NYAP2: variants seen among roughly 807,000 people sequenced by gnomAD.
NYAP2 encodes the protein neuronal tyrosine-phosphorylated phosphoinositide-3-kinase adaptor 2.
In NYAP2, 23 loss-of-function variants were observed where a neutral mutation model predicts 50.4. That is an observed-to-expected ratio of 0.46 (90% confidence interval 0.33 to 0.65). NYAP2 has a LOEUF of 0.65. Among genes scored for constraint, NYAP2 ranks in the 30% least tolerant of loss-of-function variants. The pLI is 0.02. For missense variants in NYAP2, 885 were observed against 861.0 expected (o/e 1.03, Z -0.35); for synonymous variants, 394 against 365.2 (o/e 1.08, Z -0.90).
chr2:225,431,014 C>G (rs989195473), intron 3 of NYAP2, among the ~76,000 whole-genome samples: 1 of 152,022 alleles, frequency 6.6e-6, no homozygotes, highest in Admixed American at 6.5e-5. Context: ...AATTTAGTGG[C>G]CAAAAAAGAG....
the NYAP2 span, among the ~76,000 whole-genome samples, chr2:225,674,397 TAGA>T: frequency 6.6e-6 from 1 of 152,228 alleles, no homozygotes; most frequent in Admixed American, 6.5e-5. Context: ...TCCCTTTATC[TAGA>T]AGCTTTGCTG....
intron 4 of NYAP2, among the ~76,000 whole-genome samples, chr2:225,550,301 T>C (rs1273265677): frequency 4.6e-5 from 1 of 21,944 alleles, no homozygotes; most frequent in African/African-American, 1.1e-4. Flanking sequence ...CATATAACCA[T>C]TCTTTTTTTT....
chr2:225,566,915 A>ATGTGTG (rs770779216), intron 4 of NYAP2, among the ~76,000 whole-genome samples: 1 of 150,418 alleles, frequency 6.6e-6, no homozygotes, highest in South Asian at 2.1e-4. Context: ...TTACAGTAAT[A>ATGTGTG]TGTGTGTGTG....
At chr2:225,656,753 G>C (rs892101817), downstream of NYAP2, among the ~76,000 whole-genome samples, 1 of 151,948 alleles carries the variant, frequency 6.6e-6, no homozygotes, top group Non-Finnish European at 1.5e-5. Flanking sequence ...AAGGACTTAG[G>C]TGAATTTCTT....
chr2:225,503,196 A>G (rs1690636461), intron 3 of NYAP2, among the ~76,000 whole-genome samples: 1 of 152,228 alleles, frequency 6.6e-6, no homozygotes, highest in Non-Finnish European at 1.5e-5. Context: ...AGTTTTGAAG[A>G]CACAAATAAA....
intron 3 of NYAP2, among the ~76,000 whole-genome samples, chr2:225,478,127 G>T (rs1690148230): frequency 6.6e-6 from 1 of 152,200 alleles, no homozygotes; most frequent in African/African-American, 2.4e-5. Flanking sequence ...TTAATCGGGT[G>T]CTATCCAAGT....
At chr2:225,532,942 T>C (rs1232696928) in intron 4 of NYAP2, among the ~76,000 whole-genome samples, 1 of 152,178 alleles carries the variant, frequency 6.6e-6, no homozygotes, top group Non-Finnish European at 1.5e-5. Flanking sequence ...GATACTATGC[T>C]AGGCAATAGA....
intron 3 of NYAP2, among the ~76,000 whole-genome samples, chr2:225,426,705 A>T (rs1259597310): frequency 1.3e-5 from 2 of 152,204 alleles, no homozygotes; most frequent in Non-Finnish European, 2.9e-5. Context: ...TTAATAAGAC[A>T]AGCGAAGAGA....
intron 3 of NYAP2, among the ~76,000 whole-genome samples, chr2:225,475,595 G>A (rs1296698137): frequency 6.6e-6 from 1 of 152,172 alleles, no homozygotes; most frequent in African/African-American, 2.4e-5. Context: ...TTGAAAAATT[G>A]TTTAGTTAGG....
intron 3 of NYAP2, among the ~76,000 whole-genome samples, chr2:225,428,239 A>G (rs1695314165): frequency 6.6e-6 from 1 of 152,148 alleles, no homozygotes; most frequent in Admixed American, 6.5e-5. Context: ...TCCCAGTCAT[A>G]GTTGATTATT....
chr2:225,655,923 CACACATACACACAT>C (rs1427850760), downstream of NYAP2, among the ~76,000 whole-genome samples: 46 of 110,010 alleles, frequency 4.2e-4, no homozygotes, highest in African/African-American at 1.2e-3. Context: ...CACACACACA[CACACATACACACAT>C]ACACACACAC....
chr2:225,673,519 A>G, the NYAP2 span, among the ~76,000 whole-genome samples: 2 of 152,152 alleles, frequency 1.3e-5, no homozygotes, highest in African/African-American at 4.8e-5. Context: ...AAAACGAGGT[A>G]AGCTTATGTA....
chr2:225,623,270 A>G (rs1438754894), intron 5 of NYAP2, among the ~76,000 whole-genome samples: 1 of 152,248 alleles, frequency 6.6e-6, no homozygotes, highest in East Asian at 1.9e-4. Context: ...GGGGGAAAAA[A>G]TGTTCAATTA....
At chr2:225,589,522 T>A (rs970895346) in intron 5 of NYAP2, among the ~76,000 whole-genome samples, 5 of 63,884 alleles carry the variant, frequency 7.8e-5, no homozygotes, top group African/African-American at 3.7e-4. Flanking sequence ...GTAAAATATA[T>A]ATATATATAT....
chr2:225,428,144 C>T (rs188898719), intron 3 of NYAP2, among the ~76,000 whole-genome samples: 4 of 152,200 alleles, frequency 2.6e-5, no homozygotes, highest in Admixed American at 2.6e-4. Flanking sequence ...CCTGGGCTGA[C>T]CTAGTAAGAA....
intron 5 of NYAP2, among the ~76,000 whole-genome samples, chr2:225,602,513 C>T (rs192365545): frequency 2.2e-3 from 337 of 152,262 alleles, no homozygotes; most frequent in Non-Finnish European, 3.2e-3. Context: ...TAACTGCCTG[C>T]TTGACCAGTT....
At chr2:225,529,898 G>A (rs984877665) in intron 4 of NYAP2, among the ~76,000 whole-genome samples, 3 of 151,802 alleles carry the variant, frequency 2.0e-5, no homozygotes, top group East Asian at 2.0e-4. Context: ...TAGTAGAGAC[G>A]GGGTTTCACC....
chr2:225,695,514 T>A, the NYAP2 span, among the ~76,000 whole-genome samples: 1 of 151,830 alleles, frequency 6.6e-6, no homozygotes, highest in African/African-American at 2.4e-5. Context: ...TGATGTTGGC[T>A]TCTATTTAAG....
At chr2:225,414,214 A>G (rs529152776) in intron 3 of NYAP2, among the ~76,000 whole-genome samples, 2 of 152,292 alleles carry the variant, frequency 1.3e-5, no homozygotes, top group East Asian at 1.9e-4. Flanking sequence ...TTTACTCAAA[A>G]GTCTGGCTGG....
Sources: allele counts gnomAD v4.1 joint callset (sites outside exome capture counted in the v4.1 genomes callset), GRCh38; gene constraint gnomAD v4.1.1; transcripts MANE v1.5; gene names NCBI Gene and HGNC (gene_info 2026-07-23, HGNC 2026-07-21).